The following MTO1 variants were observed in gnomAD, a reference collection of about 807,000 sequenced individuals.
MTO1 encodes mitochondrial tRNA translation optimization 1, also known as 5-taurinomethyluridine-[tRNA] synthase subunit MTO1, mitochondrial.
A neutral mutation model predicts 71.6 loss-of-function variants in MTO1; 46 were observed. The ratio of observed to expected loss-of-function variants is 0.64; its 90% CI spans 0.51 to 0.82. MTO1 has a LOEUF of 0.82. Ranked by LOEUF, MTO1 falls within the 40% of genes least tolerant of loss-of-function variation. MTO1 has a pLI of 0.00. For synonymous variants in MTO1, 297 were observed against 312.1 expected (o/e 0.95, Z 0.51); for missense variants, 773 against 867.5 (o/e 0.89, Z 1.37).
At chr6:73,471,528 C>A in intron 3 of MTO1, 1 of 436,800 alleles carries the variant, frequency 2.3e-6, no homozygotes, top group South Asian at 1.6e-5. Context: ...GATCTTCCTG[C>A]CTCAGCCTCC....
rs1771534258 is a variant in MTO1, at chr6:73,482,485, A to G, written c.1502A>G (p.Tyr501Cys). Residue 501 changes from tyrosine to cysteine, a missense_variant, in exon 9 of 12, where the codon TAT becomes TGT. By Grantham distance (194) the Tyr-to-Cys change is radical. Transcript: ENST00000498286. ...GCTGGCTGTGTGTCCCAACAACGATATGAAAGAGCTTGTTGGATGAAGTCT... is the reference window on the plus strand; with the variant it reads ...GCTGGCTGTGTGTCCCAACAACGATGTGAAAGAGCTTGTTGGATGAAGTCT... ...KDAGCVSQQR[Y>C]ERACWMKSSL... 1 of 1,613,348 alleles carries G rather than the reference A, an allele frequency of 6.2e-7. No homozygotes were observed. The highest frequency in any genetic ancestry group is 1.7e-5 in the Admixed American group (1 of 59,948).
chr6:73,462,862 C>T (rs1238737823), intron 1 of MTO1, among the ~76,000 whole-genome samples: 2 of 152,046 alleles, frequency 1.3e-5, no homozygotes, highest in African/African-American at 4.8e-5. Flanking sequence ...CTCATAGGCA[C>T]GATCGTTGCA....
rs572449481 is a variant in MTO1 at position 73,480,247 on chromosome 6, C to T, written c.1129+121C>T. 9.4e-6 allele frequency: 9 copies of T among 959,780 alleles called. No individual in the cohort carries two copies. In the East Asian group the frequency reaches 1.8e-4, roughly 19 times the overall value. 59.5% of individuals were successfully genotyped at this position (959,780 alleles called of 1,614,324 possible). On this transcript the variant is annotated intron_variant, in intron 6 of 11. Coordinates refer to ENST00000498286, the MANE Select transcript of MTO1 (RefSeq NM_012123.4). ...CAGAAGATGAAGCCCAACACCTATA[C>T]ATTTTAAATAGTCTGTTTTTTGTTT...
At chr6:73,468,223 T>C (rs1218663672) in intron 3 of MTO1, among the ~76,000 whole-genome samples, 1 of 151,822 alleles carries the variant, frequency 6.6e-6, no homozygotes, top group East Asian at 1.9e-4. Flanking sequence ...GTTCAAGCAA[T>C]TCTCCTGCCT....
At chr6:73,471,295 T>C (rs914019031) in intron 3 of MTO1, among the ~76,000 whole-genome samples, 2 of 151,982 alleles carry the variant, frequency 1.3e-5, no homozygotes, top group Non-Finnish European at 2.9e-5. Context: ...CTGACTTCCC[T>C]CAAGTAACAA....
chr6:73,479,930 T>G lies in MTO1; in HGVS notation c.939-6T>G. On this transcript the variant is annotated splice_polypyrimidine_tract_variant and splice_region_variant and intron_variant, in intron 5 of 11. Transcript: ENST00000498286. ...ATTTCAAGTTTATTTAAATGTTCTA[T>G]TCTAGATACTGTCCCTCCATTGAAT... 1 of 1,611,382 alleles carries G rather than the reference T, an allele frequency of 6.2e-7. No homozygotes were observed. Among genetic ancestry groups the G allele is most frequent in the Non-Finnish European group, 8.5e-7 (1 of 1,178,308 alleles).
intron 9 of MTO1, among the ~76,000 whole-genome samples, chr6:73,488,956 C>T (rs72960065): frequency 0.034 from 5,153 of 152,240 alleles, 300 homozygotes; most frequent in Admixed American, 0.15. Flanking sequence ...GGATCTAGTT[C>T]CATTTGTCTA....
intron 4 of MTO1, among the ~76,000 whole-genome samples, chr6:73,475,915 A>G (rs1010378928): frequency 6.6e-6 from 1 of 152,098 alleles, no homozygotes; most frequent in African/African-American, 2.4e-5. Flanking sequence ...TTTTGAAACG[A>G]TATCAGGTGG....
At chr6:73,484,405 C>A (rs369260549) in intron 9 of MTO1, among the ~76,000 whole-genome samples, 2 of 152,078 alleles carry the variant, frequency 1.3e-5, no homozygotes, top group Admixed American at 1.3e-4. Context: ...CAAGATGGTG[C>A]CTTCTTGCTG....
intron 4 of MTO1, among the ~76,000 whole-genome samples, chr6:73,474,243 C>T (rs1047185507): frequency 9.2e-5 from 14 of 151,490 alleles, no homozygotes; most frequent in Admixed American, 3.9e-4. Context: ...CGCCACCACA[C>T]CCGGCTAATT....
intron 9 of MTO1, among the ~76,000 whole-genome samples, chr6:73,488,180 G>GT (rs775576482): frequency 1.3e-4 from 19 of 151,576 alleles, no homozygotes; most frequent in Non-Finnish European, 2.5e-4. Context: ...AGTTGTTTAG[G>GT]TTTTTTTTCC....
rs1418676049 is a variant in MTO1 at position 73,501,515 on chromosome 6, T to TG, written c.*782dup. The stretch of plus-strand genomic sequence containing the variant: ...AGACAGGTCCATAGTAACTGGTGAG[T>TG]GGTGTTTCCCTGTTTTTAAGTCAGA... On this transcript the variant is annotated 3_prime_UTR_variant, in exon 12 of 12. Coordinates refer to ENST00000498286, the MANE Select transcript of MTO1 (RefSeq NM_012123.4). 6.6e-6 allele frequency: 1 copy of TG among 152,050 alleles called. No homozygotes were observed. The highest frequency in any genetic ancestry group is 1.5e-5 in the Non-Finnish European group (1 of 68,020). The allele number at this position is 152,050 out of a possible 1,614,324, so 9.4% of individuals were successfully genotyped here. A position where few individuals can be genotyped will look rare whatever the true frequency, so the allele number is the denominator to read the frequency against.
In MTO1 at chr6:73,466,336, C is replaced by G. The variant is rs1166298535; in HGVS notation, c.345C>G (p.Asn115Lys). The G allele has an allele frequency of 1.9e-6, 3 of 1,614,088 alleles. No individual in the cohort carries two copies. The highest frequency in any genetic ancestry group is 2.5e-6 in the Non-Finnish European group (3 of 1,180,034). Residue 115 changes from asparagine to lysine, a missense_variant, in exon 2 of 12, where the codon AAC (asparagine) becomes AAG (lysine). Coordinates refer to ENST00000498286, the MANE Select transcript of MTO1 (RefSeq NM_012123.4). ...CTGGTGTACATTATAAAGTATTAAA[C>G]CGGCGTAAGGGACCAGCTGTGTGGG... Reference protein sequence around the residue: ...DQSGVHYKVLNRRKGPAVWGL... With the variant: ...DQSGVHYKVLKRRKGPAVWGL...
chr6:73,485,822 C>G (rs1311228112), intron 9 of MTO1, among the ~76,000 whole-genome samples: 1 of 152,228 alleles, frequency 6.6e-6, no homozygotes, highest in East Asian at 1.9e-4. Context: ...TAAAAATACA[C>G]TTGCTGCATA....
At position 73,486,040 on chromosome 6, in the gene MTO1, A is replaced by G. The variant is rs146436103; in HGVS notation, c.1637+3420A>G. Reference sequence around the variant, plus strand: ...CCTCCTGGCTTTGTTGAAGTATGCTAACTTATCCATTCTTTGCCAGAGCTC... The same window carrying G: ...CCTCCTGGCTTTGTTGAAGTATGCTGACTTATCCATTCTTTGCCAGAGCTC... On this transcript the variant is annotated intron_variant, in intron 9 of 11. Coordinates refer to ENST00000498286, the MANE Select transcript of MTO1 (RefSeq NM_012123.4). Among the ~76,000 whole-genome samples the G allele has an allele frequency of 2.6e-4, 39 of 152,304 alleles. No individual in the cohort carries two copies. In the East Asian group the frequency reaches 7.3e-3, roughly 29 times the overall value.
chr6:73,479,723 G>A lies in MTO1; in HGVS notation c.826-9G>A. 1 of 1,599,800 alleles carries A rather than the reference G, an allele frequency of 6.3e-7. No homozygotes were observed. Among genetic ancestry groups the A allele is most frequent in the Non-Finnish European group, 8.5e-7 (1 of 1,170,278 alleles). On this transcript the variant is annotated splice_polypyrimidine_tract_variant and intron_variant, in intron 4 of 11. Coordinates refer to ENST00000498286, the MANE Select transcript of MTO1 (RefSeq NM_012123.4). ...CAAATCAGTATTGCATCTGGTTACT[G>A]TTTTTTAGCCAGAAGATCAGCTGCC...
intron 10 of MTO1, among the ~76,000 whole-genome samples, chr6:73,493,783 A>G (rs1420695899): frequency 6.6e-6 from 1 of 152,072 alleles, no homozygotes; most frequent in African/African-American, 2.4e-5. Context: ...AAATAATACT[A>G]TCTTTGGCTT....
intron 4 of MTO1, among the ~76,000 whole-genome samples, chr6:73,475,198 AGCCATCC>A (rs1771275157): frequency 6.6e-6 from 1 of 151,758 alleles, no homozygotes; most frequent in South Asian, 2.1e-4. Flanking sequence ...CCTGAGCTCA[AGCCATCC>A]GCCCACCTCA....
At position 73,473,376 on chromosome 6, in the gene MTO1, A is replaced by G. The variant is rs779108851; in HGVS notation, c.547A>G (p.Thr183Ala). ...VSGVVLVDGS[T>A]VYAESVILTT... ...TTCTTGTTATTTAGTGGATGGAAGCACAGTATATGCAGAGAGTGTGATTCT... is the reference window on the plus strand; with the variant it reads ...TTCTTGTTATTTAGTGGATGGAAGCGCAGTATATGCAGAGAGTGTGATTCT... The change falls in exon 4 of 12, where the codon ACA becomes GCA. Residue 183 changes from threonine (T) to alanine (A), a missense_variant. Transcript: ENST00000498286. The G allele has an allele frequency of 9.3e-6, 15 of 1,605,696 alleles. No homozygotes were observed. The African/African-American group carries it at 2.0e-4, about 22-fold the overall frequency.
Sources: gnomAD v4.1 joint callset for allele counts (sites outside exome capture counted in the v4.1 genomes callset) on GRCh38, gnomAD v4.1.1 for gene constraint, MANE v1.5 for transcripts, NCBI Gene and HGNC (gene_info 2026-07-23, HGNC 2026-07-21) for gene names.